Variants in CHSY3 observed in about 807,000 individuals in gnomAD.
CHSY3 encodes N-acetylgalactosaminyl-proteoglycan 3-beta-glucuronosyltransferase 3.
In CHSY3, 35 loss-of-function variants were observed where a neutral mutation model predicts 67.2. That is an observed-to-expected ratio of 0.52 (90% CI 0.40 to 0.69). The LOEUF is 0.69. Ranked by LOEUF, CHSY3 falls within the 30% of genes least tolerant of loss-of-function variation. The pLI is 0.00. For synonymous variants in CHSY3, 474 were observed against 434.7 expected, an observed-to-expected ratio of 1.09 and a Z score of -1.12; for missense variants, 1,069 against 1,138.5, an observed-to-expected ratio of 0.94 and a Z score of 0.88.
intron 2 of CHSY3, among the ~76,000 whole-genome samples, chr5:129,924,836 A>T (rs953268463): frequency 1.3e-5 from 2 of 152,148 alleles, no homozygotes; most frequent in African/African-American, 4.8e-5. Context: ...CCTCCAATTA[A>T]CACACAAATT....
intron 2 of CHSY3, among the ~76,000 whole-genome samples, chr5:130,005,440 AAC>A (rs1763849045): frequency 6.6e-6 from 1 of 152,060 alleles, no homozygotes; most frequent in Non-Finnish European, 1.5e-5. Context: ...CAAAAAAAAA[AAC>A]ACGTTATAAT....
intron 2 of CHSY3, among the ~76,000 whole-genome samples, chr5:129,955,720 G>A (rs1312464619): frequency 1.3e-5 from 2 of 152,034 alleles, no homozygotes; most frequent in African/African-American, 2.4e-5. Context: ...GCTCGAGTGT[G>A]TGTTGTTCCC....
intron 2 of CHSY3, among the ~76,000 whole-genome samples, chr5:129,953,934 G>A (rs998157635): frequency 2.0e-5 from 3 of 152,128 alleles, no homozygotes; most frequent in Non-Finnish European, 4.4e-5. Context: ...TAGGTTGCCT[G>A]TTCACTCTGA....
At chr5:130,172,676 T>C (rs1373152362) in intron 2 of CHSY3, among the ~76,000 whole-genome samples, 1 of 152,194 alleles carries the variant, frequency 6.6e-6, no homozygotes, top group Non-Finnish European at 1.5e-5. Context: ...ATCAGCTATA[T>C]TAATGTGCTA....
At chr5:129,929,342 G>A (rs908480266) in intron 2 of CHSY3, among the ~76,000 whole-genome samples, 4 of 152,110 alleles carry the variant, frequency 2.6e-5, no homozygotes, top group African/African-American at 7.2e-5. Flanking sequence ...TTTCATTTTC[G>A]GTAGAAACAG....
intron 2 of CHSY3, among the ~76,000 whole-genome samples, chr5:129,945,514 T>A (rs1468706908): frequency 1.0e-5 from 1 of 98,104 alleles, no homozygotes; most frequent in Admixed American, 9.9e-5. Flanking sequence ...AAACATTGAC[T>A]TTATATATCA....
rs780139226 is a variant in CHSY3 at position 130,185,357 on chromosome 5, C to G, written c.2215C>G (p.Gln739Glu). 1.2e-6 allele frequency: 2 copies of G among 1,604,206 alleles called. No homozygotes were observed. The highest frequency in any genetic ancestry group is 1.7e-6 in the Non-Finnish European group (2 of 1,170,882). Residue 739 changes from glutamine to glutamate, a missense_variant, in exon 3 of 3, where the codon CAA becomes GAA. Coordinates refer to ENST00000305031, the MANE Select transcript of CHSY3 (RefSeq NM_175856.5). The stretch of plus-strand genomic sequence containing the variant: ...ATGTAGAGACAATACAATTCAGGGA[C>G]AACAGGTGTACTATCCCATCATCTT... ...QRCRDNTIQG[Q>E]QVYYPIIFSQ...
intron 2 of CHSY3, among the ~76,000 whole-genome samples, chr5:130,093,149 T>A (rs1444705677): frequency 6.6e-6 from 1 of 152,224 alleles, no homozygotes; most frequent in Non-Finnish European, 1.5e-5. Context: ...AACAATTCCA[T>A]TGAATTTAGA....
chr5:129,988,264 T>G (rs1763261608), intron 2 of CHSY3, among the ~76,000 whole-genome samples: 1 of 152,244 alleles, frequency 6.6e-6, no homozygotes. Context: ...TTAATCCTGT[T>G]TAATCACTCA....
chr5:130,097,154 T>C (rs1235315935), intron 2 of CHSY3, among the ~76,000 whole-genome samples: 1 of 152,244 alleles, frequency 6.6e-6, no homozygotes, highest in Non-Finnish European at 1.5e-5. Context: ...ATGTAAATTA[T>C]AGTACAGTAA....
intron 2 of CHSY3, among the ~76,000 whole-genome samples, chr5:129,931,293 G>T (rs910712534): frequency 6.6e-6 from 1 of 152,028 alleles, no homozygotes; most frequent in African/African-American, 2.4e-5. Flanking sequence ...TTCCAGCGTA[G>T]CTCTAAATGC....
chr5:130,022,551 A>G (rs995170580), intron 2 of CHSY3, among the ~76,000 whole-genome samples: 2 of 151,998 alleles, frequency 1.3e-5, no homozygotes, highest in African/African-American at 4.8e-5. Context: ...TCTGTCAATG[A>G]CATCTTGCCT....
intron 2 of CHSY3, among the ~76,000 whole-genome samples, chr5:130,084,029 G>T (rs1766527122): frequency 1.3e-5 from 2 of 151,560 alleles, no homozygotes; most frequent in Admixed American, 1.3e-4. Flanking sequence ...CTTTTAATCA[G>T]ATAACTAATC....
In CHSY3 at chr5:130,039,993, G is replaced by A. The variant is rs1580674496; in HGVS notation, c.1086+131633G>A. ...TTGACACTGACATTGTCGCTTTAGG[G>A]AGGTAAAGTAAAAAACTAAGGTAAA... On this transcript the variant is annotated intron_variant, in intron 2 of 2. Transcript: ENST00000305031. 2.0e-5 allele frequency among the ~76,000 whole-genome samples: 3 copies of A among 152,084 alleles called. No homozygotes were observed. The East Asian group carries it at 5.8e-4, about 29-fold the overall frequency.
At chr5:130,000,658 G>C (rs1763694271) in intron 2 of CHSY3, among the ~76,000 whole-genome samples, 1 of 149,218 alleles carries the variant, frequency 6.7e-6, no homozygotes, top group Admixed American at 6.7e-5. Flanking sequence ...CTGCATCCTG[G>C]GCCTCCTGGC....
intron 2 of CHSY3, among the ~76,000 whole-genome samples, chr5:130,030,437 T>C (rs1764674006): frequency 6.6e-6 from 1 of 152,142 alleles, no homozygotes; most frequent in South Asian, 2.1e-4. Flanking sequence ...AAACTTACTT[T>C]TATTGTTAAA....
chr5:130,140,894 A>G (rs1768843445), intron 2 of CHSY3: 2 of 562,328 alleles, frequency 3.6e-6, no homozygotes, highest in Non-Finnish European at 4.6e-6. Context: ...CTTTGCAGGA[A>G]TTGACTTCAA....
intron 2 of CHSY3, among the ~76,000 whole-genome samples, chr5:129,945,902 CTCTTTTTTT>C (rs1319037099): frequency 6.6e-6 from 1 of 151,936 alleles, no homozygotes. Context: ...ATTCTTTTTT[CTCTTTTTTT>C]TATTCTGTAG....
At chr5:130,167,894 G>A (rs1769793166) in intron 2 of CHSY3, among the ~76,000 whole-genome samples, 1 of 151,846 alleles carries the variant, frequency 6.6e-6, no homozygotes, top group Non-Finnish European at 1.5e-5. Flanking sequence ...AAAAATCTAG[G>A]AGCTCTCCTT....
Sources: gnomAD v4.1 joint callset for allele counts (sites outside exome capture counted in the v4.1 genomes callset) on GRCh38, gnomAD v4.1.1 for gene constraint, MANE v1.5 for transcripts, NCBI Gene and HGNC (gene_info 2026-07-23, HGNC 2026-07-21) for gene names.